Variants in TUB observed in about 807,000 individuals in gnomAD.
TUB encodes TUB bipartite transcription factor, also known as tubby protein homolog.
Under a neutral mutation model 59.7 loss-of-function variants are expected in TUB, and 33 were observed. The ratio of observed to expected loss-of-function variants is 0.55; its 90% CI spans 0.42 to 0.74. The LOEUF (loss-of-function observed/expected upper bound fraction) is 0.74. Ranked by LOEUF, TUB falls within the 30% of genes least tolerant of loss-of-function variation. The probability of loss-of-function intolerance (pLI) is 0.00; values close to 1 mark genes in which losing one functional copy is unlikely to be tolerated. For synonymous variants in TUB, 293 were observed against 256.4 expected (o/e 1.14, Z -1.36); for missense variants, 659 against 672.0 (o/e 0.98, Z 0.21).
chr11:8,101,219 C>T (rs760189415), intron 11 of TUB, among the ~76,000 whole-genome samples: 3 of 152,216 alleles, frequency 2.0e-5, no homozygotes, highest in African/African-American at 4.8e-5. Flanking sequence ...AACGGAGTCT[C>T]AGGCACGGGA....
chr11:8,071,580 G>T (rs921813474), intron 2 of TUB, among the ~76,000 whole-genome samples: 1 of 152,158 alleles, frequency 6.6e-6, no homozygotes, highest in Admixed American at 6.5e-5. Flanking sequence ...CAAATGTCTG[G>T]TCACCTGTAA....
intron 1 of TUB, among the ~76,000 whole-genome samples, chr11:8,023,075 G>A (rs1010761883): frequency 1.3e-5 from 2 of 152,184 alleles, no homozygotes; most frequent in East Asian, 3.9e-4. Context: ...CATATCTGGT[G>A]CTCCGGCTGG....
At chr11:8,039,487 C>T in intron 1 of TUB, 1 of 567,654 alleles carries the variant, frequency 1.8e-6, no homozygotes, top group Non-Finnish European at 2.9e-6. Context: ...CTATGGAAGT[C>T]CCTCTACCCT....
chr11:8,080,770 T>C (rs1256069409), upstream of TUB, among the ~76,000 whole-genome samples: 1 of 151,942 alleles, frequency 6.6e-6, no homozygotes, highest in Non-Finnish European at 1.5e-5. Context: ...CAGGCGGGGG[T>C]GTGGGAACTC....
intron 2 of TUB, among the ~76,000 whole-genome samples, chr11:8,061,755 C>A (rs185052241): frequency 4.9e-4 from 74 of 152,248 alleles, no homozygotes; most frequent in African/African-American, 1.7e-3. Flanking sequence ...AATAAAGCCA[C>A]ACTGGACCCC....
rs201391045 is a variant in TUB at position 8,099,401 on chromosome 11, CAG to C, written c.1116+527_1116+528del. Among the ~76,000 whole-genome samples the C allele has an allele frequency of 3.9e-3, 592 of 152,184 alleles. 3 individuals carry two copies. The highest frequency in any genetic ancestry group is 5.0e-3 in the Non-Finnish European group (340 of 68,002). The stretch of plus-strand genomic sequence containing the variant: ...GAACCTTTTTCTTCATTTTTAAAAT[CAG>C]GGGTGGGTATCTCATCAACCTGGGC... On this transcript the variant is annotated intron_variant, in intron 9 of 11. Transcript: ENST00000299506.
intron 2 of TUB, chr11:8,068,807 A>C (rs1020030851): frequency 6.6e-6 from 1 of 152,276 alleles, no homozygotes; most frequent in Non-Finnish European, 1.5e-5. Context: ...GTCCTCCAGT[A>C]ACCCATGATC....
At position 8,106,031 on chromosome 11, in the gene TUB, A is replaced by C. The variant is rs1026253330; in HGVS notation, c.*4412A>C. 2 of 151,716 alleles carry C rather than the reference A, an allele frequency of 1.3e-5. No homozygotes were observed. Among genetic ancestry groups the C allele is most frequent in the African/African-American group, 4.8e-5 (2 of 41,428 alleles). 9.4% of individuals were successfully genotyped at this position (151,716 alleles called of 1,614,324 possible). On this transcript the variant is annotated 3_prime_UTR_variant, in exon 12 of 12. Coordinates refer to ENST00000299506, the MANE Select transcript of TUB (RefSeq NM_177972.3). ...GTGGTCAGACATTTTATTTTTGTTC[A>C]AGATTATCTGGCGTTTTAGACAAAT...
intron 1 of TUB, among the ~76,000 whole-genome samples, chr11:8,024,519 G>A (rs558656007): frequency 6.6e-6 from 1 of 152,218 alleles, no homozygotes; most frequent in East Asian, 1.9e-4. Flanking sequence ...GCTCCTTGGA[G>A]AAAAATTGAT....
chr11:8,036,212 G>A (rs964936554), upstream of TUB, among the ~76,000 whole-genome samples: 3 of 151,844 alleles, frequency 2.0e-5, no homozygotes, highest in African/African-American at 7.3e-5. Context: ...GGAGGCCTGA[G>A]GGTCTCAGGG....
At position 8,105,993 on chromosome 11, in the gene TUB, T is replaced by TTCCTATTTTGGAG. The variant is rs1330040008; in HGVS notation, c.*4376_*4388dup. On this transcript the variant is annotated 3_prime_UTR_variant, in exon 12 of 12. Coordinates refer to ENST00000299506, the MANE Select transcript of TUB (RefSeq NM_177972.3). ...ATGTCTATTTGCACAAGATTGTCTT[T>TTCCTATTTTGGAG]TCCTATTTTGGAGTGGTCAGACATT... 6.6e-6 allele frequency: 1 copy of TTCCTATTTTGGAG among 152,246 alleles called. No individual in the cohort carries two copies. The highest frequency in any genetic ancestry group is 2.4e-5 in the African/African-American group (1 of 41,474). The allele number at this position is 152,246 out of a possible 1,614,324, so 9.4% of individuals were successfully genotyped here. A position where few individuals can be genotyped will look rare whatever the true frequency, so the allele number is the denominator to read the frequency against.
chr11:8,063,123 C>T (rs1009950586), intron 2 of TUB, among the ~76,000 whole-genome samples: 4 of 152,152 alleles, frequency 2.6e-5, no homozygotes, highest in African/African-American at 7.2e-5. Flanking sequence ...CCAGCGCCTC[C>T]GGTCCACAGC....
chr11:8,043,486 G>A (rs953410368), intron 2 of TUB, among the ~76,000 whole-genome samples: 2 of 152,136 alleles, frequency 1.3e-5, no homozygotes, highest in African/African-American at 4.8e-5. Context: ...AATGGAGATT[G>A]GACCGAATCT....
chr11:8,068,659 C>T (rs1169110195), intron 2 of TUB: 1 of 152,510 alleles, frequency 6.6e-6, no homozygotes, highest in African/African-American at 2.4e-5. Flanking sequence ...CCTCAAAGGC[C>T]GTCTCTGCTG....
At chr11:8,051,767 A>G (rs1043198067) in intron 2 of TUB, among the ~76,000 whole-genome samples, 2 of 152,234 alleles carry the variant, frequency 1.3e-5, no homozygotes, top group Non-Finnish European at 2.9e-5. Context: ...CTCCCTGCAC[A>G]TGACTAGAAG....
At chr11:8,097,603 A>T in intron 7 of TUB, 111 bp from the exon 8 acceptor site, 1 of 1,299,464 alleles carries the variant, frequency 7.7e-7, no homozygotes, top group Non-Finnish European at 1.1e-6. Flanking sequence ...GTGTGTGCAC[A>T]TATGTGCGTT....
chr11:8,038,988 A>G (rs754093953), exon 1 of TUB: 1 of 1,613,922 alleles, frequency 6.2e-7, no homozygotes, highest in Non-Finnish European at 8.5e-7. Context: ...AAAGCAGCAC[A>G]GGAAACCTGG....
At chr11:8,088,876 G>T (rs1207754977) in intron 1 of TUB, among the ~76,000 whole-genome samples, 1 of 152,226 alleles carries the variant, frequency 6.6e-6, no homozygotes, top group Non-Finnish European at 1.5e-5. Context: ...CCCCAGGGCT[G>T]CCTGTGCCAT....
rs573240561 is a variant in TUB at position 8,022,924 on chromosome 11, CACAA to C, written c.56+3572_56+3575del. ...ACAAAACAAAACAAAACAAAAAACA[CACAA>C]ACAAAAACAAAACAACAACAACAAA... On this transcript the variant is annotated intron_variant, in intron 1 of 11. Coordinates refer to the TUB transcript ENST00000534099. Among the ~76,000 whole-genome samples the C allele has an allele frequency of 7.6e-4, 116 of 152,222 alleles. 1 individual carries two copies. Among genetic ancestry groups the C allele is most frequent in the Admixed American group, 3.6e-3 (55 of 15,282 alleles).
Sources: gnomAD v4.1 joint callset for allele counts (sites outside exome capture counted in the v4.1 genomes callset) on GRCh38, gnomAD v4.1.1 for gene constraint, MANE v1.5 for transcripts, NCBI Gene and HGNC (gene_info 2026-07-23, HGNC 2026-07-21) for gene names.